Variants in ZNF77 observed in about 807,000 individuals in gnomAD.
ZNF77 encodes ZNFpT1.
In ZNF77, 15 loss-of-function variants were observed where a neutral mutation model predicts 13.5. The observed-to-expected ratio is 1.11, with a 90% CI of 0.74 to 1.71. The LOEUF is 1.71. Ranked by LOEUF, ZNF77 falls within the 40% of genes most tolerant of loss-of-function variation. ZNF77 has a pLI of 0.00. For missense variants in ZNF77, 717 were observed against 676.4 expected, an observed-to-expected ratio of 1.06 and a Z score of -0.67; for synonymous variants, 282 against 250.0, an observed-to-expected ratio of 1.13 and a Z score of -1.21.
chr19:2,933,438 C>G lies in ZNF77; in HGVS notation c.*51G>C. ...ACATAAATAACGTTTCTCACATTTACAACAAGGTTTTACGGTTGAACACTC... is the reference window on the plus strand; with the variant it reads ...ACATAAATAACGTTTCTCACATTTAGAACAAGGTTTTACGGTTGAACACTC... On this transcript the variant is annotated 3_prime_UTR_variant, in exon 4 of 4. Coordinates refer to ENST00000314531, the MANE Select transcript of ZNF77 (RefSeq NM_021217.3). 1 of 1,496,912 alleles carries G rather than the reference C, an allele frequency of 6.7e-7. No individual in the cohort carries two copies. The allele number at this position is 1,496,912 out of a possible 1,614,324, so 92.7% of individuals were successfully genotyped here. A position where few individuals can be genotyped will look rare whatever the true frequency, so the allele number is the denominator to read the frequency against.
chr19:2,933,962 A>C lies in ZNF77; in HGVS notation c.1165T>G (p.Phe389Val). The change falls in exon 4 of 4, where the codon TTC becomes GTC. Residue 389 changes from phenylalanine to valine, a missense_variant. Physicochemically the swap from Phe to Val is conservative, Grantham distance 50. Transcript: ENST00000314531. Reference sequence around the variant, plus strand: ...CTTCTAAAGTAAGTGGGACATCCGAAGGCCTTCCCACACTGCTTGCACACA... The same window carrying C: ...CTTCTAAAGTAAGTGGGACATCCGACGGCCTTCCCACACTGCTTGCACACA... ...PYVCKQCGKAFGCPTYFRRHV... is the reference protein window; with the variant it reads ...PYVCKQCGKAVGCPTYFRRHV... 1 of 1,614,064 alleles carries C rather than the reference A, an allele frequency of 6.2e-7. No individual in the cohort carries two copies.
chr19:2,936,781 T>A, intron 2 of ZNF77, 77 bp from the exon 3 acceptor site: 1 of 1,367,206 alleles, frequency 7.3e-7, no homozygotes, highest in South Asian at 1.3e-5. Context: ...GGATTTCTTT[T>A]CATATAGTAA....
In ZNF77 at chr19:2,934,674, G is replaced by T. The variant is rs73527670; in HGVS notation, c.453C>A (p.Phe151Leu). 1.2e-6 allele frequency: 2 copies of T among 1,613,914 alleles called. No homozygotes were observed. The highest frequency in any genetic ancestry group is 1.3e-5 in the African/African-American group (1 of 74,868). The change falls in exon 4 of 4, where the codon TTC (phenylalanine) becomes TTA (leucine). Residue 151 changes from phenylalanine to leucine, a missense_variant. Physicochemically the swap from Phe to Leu is conservative, Grantham distance 22. Transcript: ENST00000314531. ...PSECTKCGKAFENRQRSHTGQ... is the reference protein window; with the variant it reads ...PSECTKCGKALENRQRSHTGQ... ...CAGTGTGAGATCTCTGCCGATTCTCGAAGGCTTTGCCACACTTAGTGCACT... is the reference window on the plus strand; with the variant it reads ...CAGTGTGAGATCTCTGCCGATTCTCTAAGGCTTTGCCACACTTAGTGCACT...
intron 1 of ZNF77, among the ~76,000 whole-genome samples, chr19:2,943,976 C>A (rs2144972933): frequency 6.6e-6 from 1 of 152,132 alleles, no homozygotes; most frequent in African/African-American, 2.4e-5. Context: ...TCCCAAAGTG[C>A]TGGGATTACA....
At chr19:2,939,033 T>C (rs975214401) in intron 2 of ZNF77, among the ~76,000 whole-genome samples, 7 of 103,922 alleles carry the variant, frequency 6.7e-5, no homozygotes, top group Non-Finnish European at 9.5e-5. Context: ...ATGCCACCCT[T>C]ACCCAAGGAG....
Position 2,934,479 on chromosome 19 carries a change from T to C in ZNF77, c.648A>G (p.Lys216=), listed in dbSNP as rs2088377554. Residue 216 remains lysine (K), a synonymous_variant, in exon 4 of 4, where the codon AAA becomes AAG. Coordinates refer to ENST00000314531, the MANE Select transcript of ZNF77 (RefSeq NM_021217.3). ...LSSKKSYECQ[K]CGKAFICPSS... is the part of the protein sequence containing the mutation. The stretch of plus-strand genomic sequence containing the variant: ...AGGGACAAATGAAAGCTTTTCCACA[T>C]TTCTGACATTCATAAGACTTTTTAC... 5.0e-6 allele frequency: 8 copies of C among 1,614,116 alleles called. No individual in the cohort carries two copies. The highest frequency in any genetic ancestry group is 1.3e-5 in the African/African-American group (1 of 74,940).
In ZNF77 at chr19:2,934,441, C is replaced by G; in HGVS notation, c.686G>C (p.Gly229Ala). 2 of 1,614,168 alleles carry G rather than the reference C, an allele frequency of 1.2e-6. No individual in the cohort carries two copies. Among genetic ancestry groups the G allele is most frequent in the Non-Finnish European group, 1.7e-6 (2 of 1,180,028 alleles). The change falls in exon 4 of 4, where the codon GGA becomes GCA. Residue 229 changes from glycine (G) to alanine (A), a missense_variant. Transcript: ENST00000314531. ...KAFICPSSFR[G>A]HVNSHHGQKT... ...CTGCCCATGATGACTATTCACATGT[C>G]CCCTGAAAGATGAGGGACAAATGAA...
chr19:2,943,821 T>C (rs1321440226), intron 1 of ZNF77, among the ~76,000 whole-genome samples: 2 of 150,120 alleles, frequency 1.3e-5, no homozygotes, highest in Non-Finnish European at 3.0e-5. Flanking sequence ...GCCATTCTCC[T>C]GTCTCAGCCT....
chr19:2,940,349 C>A (rs117313139), intron 1 of ZNF77, among the ~76,000 whole-genome samples: 1 of 151,524 alleles, frequency 6.6e-6, no homozygotes, highest in Non-Finnish European at 1.5e-5. Flanking sequence ...CACAGTGAAA[C>A]CCTGTCTCTA....
At chr19:2,936,477 T>C (rs750831937) in intron 3 of ZNF77, 47 bp downstream of exon 3, 51 of 1,518,972 alleles carry the variant, frequency 3.4e-5, no homozygotes, top group African/African-American at 1.0e-4. Context: ...GCAAGTTAGT[T>C]TGATGCTCTG....
chr19:2,943,692 ATTTTTTTT>A (rs10633206), intron 1 of ZNF77, among the ~76,000 whole-genome samples: 7 of 76,764 alleles, frequency 9.1e-5, no homozygotes, highest in South Asian at 6.0e-4. Context: ...TCTAGCCAGG[ATTTTTTTT>A]TTTTTTTTTT....
chr19:2,936,496 C>T (rs1211085492), intron 3 of ZNF77, 28 bp downstream of exon 3: 1 of 1,561,942 alleles, frequency 6.4e-7, no homozygotes, highest in East Asian at 2.3e-5. Context: ...TGCGGAGAGG[C>T]CCATCCCTCC....
Position 2,934,792 on chromosome 19 carries a change from TCA to T in ZNF77, c.333_334del (p.Cys111Ter). On this transcript the variant is annotated stop_gained and frameshift_variant, in exon 4 of 4. Transcript: ENST00000314531. LOFTEE classifies it low-confidence loss of function (END_TRUNC). ...TCCGCATTGATGACCTTCATTACTT[TCA>T]CAGAGTCTCCCCAGCTGACTTCTGT... The T allele has an allele frequency of 6.2e-7, 1 of 1,610,706 alleles. No individual in the cohort carries two copies. The highest frequency in any genetic ancestry group is 8.5e-7 in the Non-Finnish European group (1 of 1,177,162).
intron 1 of ZNF77, among the ~76,000 whole-genome samples, chr19:2,943,836 G>GA (rs2088472651): frequency 6.6e-6 from 1 of 150,730 alleles, no homozygotes; most frequent in Non-Finnish European, 1.5e-5. Flanking sequence ...CAGCCTCCCT[G>GA]GTAGCTGGGA....
In ZNF77 at chr19:2,933,348, T is replaced by C; in HGVS notation, c.*141A>G. ...TACCATATTAATCATAATTAAGAGA[T>C]TTCTCTCCTACTCTGAATTTTTAGG... On this transcript the variant is annotated 3_prime_UTR_variant, in exon 4 of 4. Coordinates refer to ENST00000314531, the MANE Select transcript of ZNF77 (RefSeq NM_021217.3). The C allele has an allele frequency of 3.0e-6, 3 of 991,392 alleles. No homozygotes were observed. The highest frequency in any genetic ancestry group is 4.3e-6 in the Non-Finnish European group (3 of 695,204). The allele number at this position is 991,392 out of a possible 1,614,324, so 61.4% of individuals were successfully genotyped here.
chr19:2,935,551 G>C (rs573927957), intron 3 of ZNF77, among the ~76,000 whole-genome samples: 1 of 139,714 alleles, frequency 7.2e-6, no homozygotes, highest in Non-Finnish European at 1.5e-5. Flanking sequence ...GGCTGGTCTC[G>C]AACTCCCGAC....
In ZNF77 at chr19:2,939,394, A is replaced by T. The variant is rs375309893; in HGVS notation, c.17T>A (p.Phe6Tyr). 8.1e-6 allele frequency: 13 copies of T among 1,614,152 alleles called. No homozygotes were observed. The highest frequency in any genetic ancestry group is 1.1e-5 in the Non-Finnish European group (13 of 1,179,998). ...GGTGAAGTTCACAGCCACTTCCTCA[A>T]AGATCACGCAGTCCTAAAACATTCC... MDCVI[F>Y]EEVAVNFTPE... The change falls in exon 2 of 4, where the codon TTT becomes TAT. Residue 6 changes from phenylalanine (F) to tyrosine (Y), a missense_variant. Physicochemically the swap from Phe to Tyr is conservative, Grantham distance 22. Transcript: ENST00000314531.
At position 2,944,931 on chromosome 19, in the gene ZNF77, G is replaced by T; in HGVS notation, c.-91C>A. 1.4e-6 allele frequency: 2 copies of T among 1,445,396 alleles called. No homozygotes were observed. Among genetic ancestry groups the T allele is most frequent in the Non-Finnish European group, 9.1e-7 (1 of 1,098,102 alleles). The allele number at this position is 1,445,396 out of a possible 1,614,324, so 89.5% of individuals were successfully genotyped here. The stretch of plus-strand genomic sequence containing the variant: ...ACGACAGGACACCTGAGCCGCTCGG[G>T]GTAGGCGGGGAAGCGCGCAAGGCAG... On this transcript the variant is annotated 5_prime_UTR_variant, in exon 1 of 4. Transcript: ENST00000314531.
At chr19:2,943,010 G>A (rs1262119888) in intron 1 of ZNF77, among the ~76,000 whole-genome samples, 1 of 152,080 alleles carries the variant, frequency 6.6e-6, no homozygotes, top group Non-Finnish European at 1.5e-5. Context: ...TTGAACTCCT[G>A]ACCTCAGGTG....
Sources: allele counts gnomAD v4.1 joint callset (sites outside exome capture counted in the v4.1 genomes callset), GRCh38; gene constraint gnomAD v4.1.1; transcripts MANE v1.5; gene names NCBI Gene and HGNC (gene_info 2026-07-23, HGNC 2026-07-21).